Variants in AMD1 observed in about 807,000 individuals in gnomAD.
The protein encoded by AMD1 is adenosylmethionine decarboxylase 1.
A neutral mutation model predicts 40.2 loss-of-function variants in AMD1; 11 were observed. That is an observed-to-expected ratio of 0.27 (90% confidence interval 0.17 to 0.45). The LOEUF (loss-of-function observed/expected upper bound fraction) is 0.45. Ranked by LOEUF, AMD1 falls within the 20% of genes least tolerant of loss-of-function variation. AMD1 has a pLI of 1.00. For missense variants in AMD1, 257 were observed against 410.2 expected (o/e 0.63, Z 3.23); for synonymous variants, 121 against 130.8 (o/e 0.93, Z 0.51).
the AMD1 span, among the ~76,000 whole-genome samples, chr6:110,843,699 C>T: frequency 6.6e-6 from 1 of 152,038 alleles, no homozygotes; most frequent in African/African-American, 2.4e-5. Context: ...TGGATCCTTC[C>T]ACCTCAGCTT....
At chr6:110,831,240 C>T in the AMD1 span, among the ~76,000 whole-genome samples, 1 of 151,908 alleles carries the variant, frequency 6.6e-6, no homozygotes, top group Non-Finnish European at 1.5e-5. Context: ...GAGTTCAAGA[C>T]CAGTCTGGCC....
chr6:110,844,950 T>A, the AMD1 span, among the ~76,000 whole-genome samples: 1 of 148,522 alleles, frequency 6.7e-6, no homozygotes, highest in African/African-American at 2.5e-5. Context: ...TCACAGAAGG[T>A]GAAATGGGAA....
At chr6:110,861,032 T>C in the AMD1 span, among the ~76,000 whole-genome samples, 1 of 151,832 alleles carries the variant, frequency 6.6e-6, no homozygotes, top group African/African-American at 2.4e-5. Flanking sequence ...TCATGCAACA[T>C]GGTGAAACCC....
At chr6:110,880,692 A>G (rs1340032666) in intron 1 of AMD1, among the ~76,000 whole-genome samples, 1 of 152,004 alleles carries the variant, frequency 6.6e-6, no homozygotes, top group Non-Finnish European at 1.5e-5. Flanking sequence ...TTTTTGAGAC[A>G]CGCTTGTCTT....
rs202029483 is a variant in AMD1 at position 110,892,719 on chromosome 6, C to CT, written c.616-11dup. ...TTGTCAAACCCTTGTTAAACTCGGT[C>CT]TTTTTCCCCCCCCAGGAGAGTGGAA... On this transcript the variant is annotated splice_polypyrimidine_tract_variant and intron_variant, in intron 6 of 8. Coordinates refer to ENST00000368885, the MANE Select transcript of AMD1 (RefSeq NM_001634.6). The CT allele has an allele frequency of 8.6e-6, 13 of 1,512,152 alleles. No homozygotes were observed. Among genetic ancestry groups the CT allele is most frequent in the African/African-American group, 2.1e-5 (1 of 48,520 alleles). The allele number at this position is 1,512,152 out of a possible 1,614,324, so 93.7% of individuals were successfully genotyped here.
the AMD1 span, among the ~76,000 whole-genome samples, chr6:110,842,600 G>A: frequency 3.3e-5 from 5 of 152,104 alleles, no homozygotes; most frequent in African/African-American, 9.7e-5. Context: ...AGTAGTAGTC[G>A]TTTTCTGCCA....
chr6:110,852,200 A>ATTTT, the AMD1 span, among the ~76,000 whole-genome samples: 128 of 51,298 alleles, frequency 2.5e-3, 20 homozygotes, highest in African/African-American at 4.8e-3. Flanking sequence ...CGCCTGGCTA[A>ATTTT]TTTTTTTTTT....
chr6:110,866,862 G>A, the AMD1 span, among the ~76,000 whole-genome samples: 1 of 151,556 alleles, frequency 6.6e-6, no homozygotes, highest in South Asian at 2.1e-4. Flanking sequence ...TGCCCAGGCT[G>A]GAGTGCAATG....
At chr6:110,860,396 C>A in the AMD1 span, among the ~76,000 whole-genome samples, 1 of 152,134 alleles carries the variant, frequency 6.6e-6, no homozygotes, top group Non-Finnish European at 1.5e-5. Context: ...CAGCTTTTAT[C>A]TTTCTCAAAT....
the AMD1 span, among the ~76,000 whole-genome samples, chr6:110,856,189 T>C: frequency 2.0e-5 from 3 of 152,170 alleles, no homozygotes; most frequent in Non-Finnish European, 4.4e-5. Flanking sequence ...AGACCACTAC[T>C]CTCTCCACCT....
the AMD1 span, among the ~76,000 whole-genome samples, chr6:110,838,508 G>GGTC: frequency 2.0e-5 from 3 of 152,078 alleles, no homozygotes; most frequent in Non-Finnish European, 2.9e-5. Flanking sequence ...ATCTATATTA[G>GGTC]GTCTGCTAGT....
chr6:110,867,093 G>A, the AMD1 span, among the ~76,000 whole-genome samples: 2 of 151,808 alleles, frequency 1.3e-5, no homozygotes, highest in Non-Finnish European at 2.9e-5. Context: ...GATTACAGGC[G>A]TGAGCCACCG....
the AMD1 span, among the ~76,000 whole-genome samples, chr6:110,852,261 G>A: frequency 4.2e-5 from 5 of 119,594 alleles, no homozygotes; most frequent in East Asian, 5.1e-4. Context: ...TCTCTCTGTC[G>A]CCCAGGCTGG....
Position 110,893,430 on chromosome 6 carries a change from TTC to T in AMD1, c.865-42_865-41del, listed in dbSNP as rs750331664. 81 of 1,602,636 alleles carry T rather than the reference TTC, an allele frequency of 5.1e-5. No homozygotes were observed. The African/African-American group carries it at 5.5e-4, about 11-fold the overall frequency. On this transcript the variant is annotated intron_variant, in intron 8 of 8. Transcript: ENST00000368885. ...ACTTAACTGTTTTGGTTGAAAATAC[TTC>T]TCTGGATTGCAAACACTAACGGTTA... is the stretch of plus-strand genomic sequence containing the variant.
chr6:110,876,090 G>T (rs974794955), intron 1 of AMD1, among the ~76,000 whole-genome samples: 1 of 152,232 alleles, frequency 6.6e-6, no homozygotes, highest in Admixed American at 6.5e-5. Context: ...TTGAGCAAAG[G>T]AATCTGGGGC....
chr6:110,850,679 G>A, the AMD1 span, among the ~76,000 whole-genome samples: 23,112 of 152,164 alleles, frequency 0.15, 1,935 homozygotes, highest in East Asian at 0.31. Flanking sequence ...AAAGGAATAC[G>A]CAATGTAACA....
chr6:110,829,106 G>A, the AMD1 span, among the ~76,000 whole-genome samples: 1 of 151,032 alleles, frequency 6.6e-6, no homozygotes, highest in East Asian at 2.0e-4. Flanking sequence ...ACAGGCGGAG[G>A]TTGCAGTGAG....
At position 110,892,831 on chromosome 6, in the gene AMD1, A is replaced by C; in HGVS notation, c.708+4A>C. On this transcript the variant is annotated splice_donor_region_variant and intron_variant, in intron 7 of 8. Coordinates refer to ENST00000368885, the MANE Select transcript of AMD1 (RefSeq NM_001634.6). ...GATGAATGGAATGAAATCGGATGTG[A>C]GTAGTTATATATTGCTTCAATAATT... 6.2e-7 allele frequency: 1 copy of C among 1,613,666 alleles called. No individual in the cohort carries two copies. The highest frequency in any genetic ancestry group is 1.1e-5 in the South Asian group (1 of 90,888).
the AMD1 span, among the ~76,000 whole-genome samples, chr6:110,838,418 A>G: frequency 6.6e-6 from 1 of 152,096 alleles, no homozygotes. Flanking sequence ...TAAGAATTAG[A>G]GATAATCCAC....
Sources: allele counts gnomAD v4.1 joint callset (sites outside exome capture counted in the v4.1 genomes callset), GRCh38; gene constraint gnomAD v4.1.1; transcripts MANE v1.5; gene names NCBI Gene and HGNC (gene_info 2026-07-23, HGNC 2026-07-21).